Variants in ENG observed in about 807,000 individuals in gnomAD.
The protein encoded by ENG is CD105 antigen.
A neutral mutation model predicts 71.0 loss-of-function variants in ENG; 17 were observed. The observed-to-expected ratio is 0.24, with a 90% confidence interval of 0.16 to 0.36. The LOEUF (loss-of-function observed/expected upper bound fraction) is 0.36, where lower values mean the gene tolerates loss of function less well. Among genes scored for constraint, ENG ranks in the 10% least tolerant of loss-of-function variants. The probability of loss-of-function intolerance (pLI) is 1.00; values close to 1 mark genes in which losing one functional copy is unlikely to be tolerated. For missense variants in ENG, 749 were observed against 868.3 expected, an observed-to-expected ratio of 0.86 and a Z score of 1.73; for synonymous variants, 360 against 366.9, an observed-to-expected ratio of 0.98 and a Z score of 0.21.
chr9:127,815,901 G>C, intron 14 of ENG, 42 bp downstream of exon 14: 1 of 1,574,628 alleles, frequency 6.4e-7, no homozygotes, highest in Non-Finnish European at 8.6e-7. Flanking sequence ...CGGGTGGATG[G>C]AGGGGCCCGG....
rs2131870075 is a variant in ENG, at chr9:127,815,465, G to A, written c.*217C>T. Reference sequence around the variant, plus strand: ...TGGGCAGCCATATCCCAGACCCACTGGGTTGAAGGTTCTGTGGGGTGGAGG... The same window carrying A: ...TGGGCAGCCATATCCCAGACCCACTAGGTTGAAGGTTCTGTGGGGTGGAGG... On this transcript the variant is annotated 3_prime_UTR_variant, in exon 15 of 15. Transcript: ENST00000373203. The A allele has an allele frequency of 2.2e-6, 2 of 897,506 alleles. No homozygotes were observed. The highest frequency in any genetic ancestry group is 1.7e-5 in the African/African-American group (1 of 59,522). 55.6% of individuals were successfully genotyped at this position (897,506 alleles called of 1,614,324 possible). A position where few individuals can be genotyped will look rare whatever the true frequency, so the allele number is the denominator to read the frequency against.
intron 1 of ENG, among the ~76,000 whole-genome samples, chr9:127,853,473 C>A (rs1003933685): frequency 6.6e-6 from 1 of 152,128 alleles, no homozygotes; most frequent in Non-Finnish European, 1.5e-5. Flanking sequence ...CTCCTCACCG[C>A]CCCTCCTCTG....
intron 7 of ENG, 37 bp downstream of exon 7, chr9:127,824,763 G>T (rs749057017): frequency 2.4e-4 from 358 of 1,465,690 alleles, no homozygotes; most frequent in Non-Finnish European, 3.2e-4. Context: ...ATCCAAGGGA[G>T]GGGAAGGGAA....
Position 127,846,243 on chromosome 9 carries a change from C to T in ENG, c.68-2998G>A, listed in dbSNP as rs1307410929. Among the ~76,000 whole-genome samples the T allele has an allele frequency of 3.3e-5, 5 of 152,196 alleles. No individual in the cohort carries two copies. The highest frequency in any genetic ancestry group is 7.3e-5 in the Non-Finnish European group (5 of 68,044). Reference sequence around the variant, plus strand: ...CACCAGCCCCCATGTTCTCCCCACCCTCTCCTTTCCTCATCGGTGAGCGCA... The same window carrying T: ...CACCAGCCCCCATGTTCTCCCCACCTTCTCCTTTCCTCATCGGTGAGCGCA... On this transcript the variant is annotated intron_variant, in intron 1 of 14. Coordinates refer to ENST00000373203, the MANE Select transcript of ENG (RefSeq NM_001114753.3). The surrounding 1 kb of genome is among the most constrained non-coding windows in gnomAD (Gnocchi z 5.5).
intron 13 of ENG, 157 bp downstream of exon 13, chr9:127,816,992 G>C (rs760792537): frequency 2.4e-6 from 2 of 821,108 alleles, no homozygotes; most frequent in Non-Finnish European, 4.0e-6. Context: ...GGCTGCTATG[G>C]CTCTGGGAAG....
intron 8 of ENG, among the ~76,000 whole-genome samples, chr9:127,821,832 G>A (rs562971197): frequency 8.8e-5 from 13 of 148,184 alleles, no homozygotes; most frequent in African/African-American, 1.2e-4. Flanking sequence ...TCAGTGAGCC[G>A]AGATTGTGCC....
chr9:127,843,207 C>G lies in ENG; in HGVS notation c.106G>C (p.Gly36Arg). ...ETVHCDLQPV[G>R]PERGEVTYTT... is the part of the protein sequence containing the mutation. ...TATGTCACCTCGCCCCTCTCGGGGC[C>G]CACAGGCTGAAGGTCACAATGGACT... Residue 36 changes from glycine (G) to arginine (R), a missense_variant, in exon 2 of 15, where the codon GGC becomes CGC. Physicochemically the swap from Gly to Arg is moderately radical, Grantham distance 125 (BLOSUM62 -2). Coordinates refer to ENST00000373203, the MANE Select transcript of ENG (RefSeq NM_001114753.3). 1.9e-6 allele frequency: 3 copies of G among 1,614,224 alleles called. No individual in the cohort carries two copies. The highest frequency in any genetic ancestry group is 8.5e-7 in the Non-Finnish European group (1 of 1,180,044).
At chr9:127,826,442 G>A (rs1238102822) in intron 4 of ENG, 68 bp downstream of exon 4, 1 of 1,595,732 alleles carries the variant, frequency 6.3e-7, no homozygotes, top group Non-Finnish European at 8.6e-7. Flanking sequence ...TTTGAGGTGT[G>A]GGCCAGAGGA....
intron 2 of ENG, among the ~76,000 whole-genome samples, chr9:127,840,769 C>T (rs996464995): frequency 6.6e-6 from 1 of 152,172 alleles, no homozygotes; most frequent in Non-Finnish European, 1.5e-5. Context: ...TCCCTCAAAG[C>T]CCTGGAGCCT....
chr9:127,844,502 C>CAGCCTG (rs1301879651), intron 1 of ENG, among the ~76,000 whole-genome samples: 1 of 12,728 alleles, frequency 7.9e-5, no homozygotes, highest in East Asian at 0.038. Context: ...TAGCTCACTG[C>CAGCCTG]AGCCTCAGCC....
intron 9 of ENG, 101 bp from the exon 10 acceptor site, chr9:127,819,761 C>G: frequency 6.3e-7 from 1 of 1,594,702 alleles, no homozygotes; most frequent in South Asian, 1.1e-5. Flanking sequence ...CTAAGCCAAC[C>G]AATGGCCAAG....
Position 127,843,075 on chromosome 9 carries a change from C to A in ENG, c.219+19G>T, listed in dbSNP as rs1348683648. 2 of 1,613,646 alleles carry A rather than the reference C, an allele frequency of 1.2e-6. No individual in the cohort carries two copies. Among genetic ancestry groups the A allele is most frequent in the African/African-American group, 2.7e-5 (2 of 74,904 alleles). On this transcript the variant is annotated intron_variant, in intron 2 of 14. Transcript: ENST00000373203. ...AGCTTCCTCTGAGCCCCCACCCGAC[C>A]CTGCCATGGGACACTCACCGTTGGG...
In ENG at chr9:127,829,839, A is replaced by C; in HGVS notation, c.220-12T>G. ...AGCTGTGACGGGCCCTGGGGGACAC[A>C]GAGGAGAGACACACACAGTCCAGTC... On this transcript the variant is annotated splice_polypyrimidine_tract_variant and intron_variant, in intron 2 of 14. Coordinates refer to ENST00000373203, the MANE Select transcript of ENG (RefSeq NM_001114753.3). 1 of 1,613,614 alleles carries C rather than the reference A, an allele frequency of 6.2e-7. No homozygotes were observed. The highest frequency in any genetic ancestry group is 8.5e-7 in the Non-Finnish European group (1 of 1,179,842).
intron 11 of ENG, 74 bp from the exon 12 acceptor site, chr9:127,818,451 C>G: frequency 3.1e-6 from 5 of 1,590,810 alleles, no homozygotes; most frequent in Admixed American, 1.7e-5. Flanking sequence ...CTTCAAATAT[C>G]GGCTAGAATT....
At chr9:127,827,180 TCCCCGCCTATGGGAAGA>T in intron 3 of ENG, 9 of 154,374 alleles carry the variant, frequency 5.8e-5, no homozygotes, top group South Asian at 4.0e-4. Context: ...TGATGGGTGC[TCCCCGCCTATGGGAAGA>T]CAGGGAGAAA....
intron 1 of ENG, among the ~76,000 whole-genome samples, chr9:127,844,980 A>AG (rs1486844208): frequency 6.6e-6 from 1 of 152,142 alleles, no homozygotes; most frequent in African/African-American, 2.4e-5. Flanking sequence ...ACAGGTCCTG[A>AG]GGGAAAGGAA....
intron 8 of ENG, 43 bp downstream of exon 8, chr9:127,824,261 A>T: frequency 1.9e-6 from 3 of 1,613,784 alleles, no homozygotes; most frequent in Non-Finnish European, 8.5e-7. Flanking sequence ...GAGGAACCAG[A>T]TGTCCATGTC....
chr9:127,819,233 G>T, intron 10 of ENG: 2 of 324,410 alleles, frequency 6.2e-6, no homozygotes, highest in East Asian at 1.6e-4. Context: ...CACTGCGCCC[G>T]GCCCTTTTTT....
intron 6 of ENG, 45 bp from the exon 7 acceptor site, chr9:127,825,019 C>G: frequency 1.2e-6 from 2 of 1,602,534 alleles, no homozygotes; most frequent in Non-Finnish European, 1.7e-6. Context: ...TGGACACAGT[C>G]TGTGCCACAG....
Sources: allele counts gnomAD v4.1 joint callset (sites outside exome capture counted in the v4.1 genomes callset), GRCh38; gene constraint gnomAD v4.1.1; non-coding constraint Gnocchi (gnomAD v3.1); transcripts MANE v1.5; gene names NCBI Gene and HGNC (gene_info 2026-07-23, HGNC 2026-07-21).